RECQL5: variants seen among roughly 807,000 people sequenced by gnomAD.
RECQL5 encodes RecQ like helicase 5.
Under a neutral mutation model 103.4 loss-of-function variants are expected in RECQL5, and 88 were observed. The observed-to-expected ratio is 0.85, with a 90% confidence interval of 0.72 to 1.02. The LOEUF is 1.02. Ranked by LOEUF, RECQL5 falls within the 50% of genes least tolerant of loss-of-function variation. The pLI is 0.00. For missense variants in RECQL5, 1,232 were observed against 1,284.3 expected (o/e 0.96, Z 0.62); for synonymous variants, 552 against 507.9 (o/e 1.09, Z -1.17).
intron 10 of RECQL5, 54 bp downstream of exon 10, chr17:75,631,096 G>A (rs2059204399): frequency 6.2e-7 from 1 of 1,609,996 alleles, no homozygotes; most frequent in African/African-American, 1.3e-5. Context: ...GCTGAGAGGT[G>A]CGAGCAGGGG....
At position 75,658,399 on chromosome 17, in the gene RECQL5, C is replaced by G. The variant is rs767828047; in HGVS notation, c.1048G>C (p.Ala350Pro). 7.4e-6 allele frequency: 12 copies of G among 1,613,972 alleles called. No homozygotes were observed. Among genetic ancestry groups the G allele is most frequent in the Non-Finnish European group, 1.0e-5 (12 of 1,179,970 alleles). ...CAGGAAGGCTTCCCATCCCTGCCAG[C>G]CCGGCCAGACTCCTGGTAGTACCCA... Reference protein sequence around the residue: ...MAGYYQESGRAGRDGKPSWCR... With the variant: ...MAGYYQESGRPGRDGKPSWCR... Residue 350 changes from alanine to proline, a missense_variant, in exon 7 of 20, where the codon GCT becomes CCT. By Grantham distance (27) the Ala-to-Pro change is conservative (BLOSUM62 -1). Coordinates refer to ENST00000317905, the MANE Select transcript of RECQL5 (RefSeq NM_004259.7).
intron 8 of RECQL5, chr17:75,639,896 G>C (rs1344886470): frequency 9.5e-6 from 3 of 315,174 alleles, no homozygotes; most frequent in Non-Finnish European, 1.8e-5. Flanking sequence ...GAACAGCGAA[G>C]CCAGAAACCA....
intron 3 of RECQL5, 97 bp downstream of exon 3, chr17:75,664,949 GAAAAT>G: frequency 8.8e-7 from 1 of 1,141,980 alleles, no homozygotes; most frequent in Non-Finnish European, 1.2e-6. Flanking sequence ...AAAAAGAAAA[GAAAAT>G]AAGAGGCAAA....
At position 75,631,018 on chromosome 17, in the gene RECQL5, A is replaced by G; in HGVS notation, c.1549-8T>C. The stretch of plus-strand genomic sequence containing the variant: ...TATCTTGGGGTCTTTGCCCTGGAGG[A>G]CAACATGAAGGACCCATGAGGCGTC... On this transcript the variant is annotated splice_region_variant and splice_polypyrimidine_tract_variant and intron_variant, in intron 10 of 19. Transcript: ENST00000317905. 6.2e-7 allele frequency: 1 copy of G among 1,613,702 alleles called. No homozygotes were observed. Among genetic ancestry groups the G allele is most frequent in the Non-Finnish European group, 8.5e-7 (1 of 1,179,946 alleles).
At chr17:75,641,814 G>C (rs1888399597) in intron 8 of RECQL5, among the ~76,000 whole-genome samples, 1 of 152,152 alleles carries the variant, frequency 6.6e-6, no homozygotes, top group South Asian at 2.1e-4. Context: ...CCTGCCTCCT[G>C]ACCCTGTGGC....
In RECQL5 at chr17:75,631,581, G is replaced by A. The variant is rs201940860; in HGVS notation, c.1317C>T (p.Ala439=). ...KGCDHCQNPT[A]VRRRLEALER... ...CCAAGGCCTCCAGCCGCCTCCGCACGGCCGTGGGGTTCTGGCAGTGGTCGC... is the reference window on the plus strand; with the variant it reads ...CCAAGGCCTCCAGCCGCCTCCGCACAGCCGTGGGGTTCTGGCAGTGGTCGC... The change falls in exon 9 of 20, where the codon GCC becomes GCT. Residue 439 remains alanine (A), a synonymous_variant. Transcript: ENST00000317905. The A allele has an allele frequency of 1.6e-4, 262 of 1,613,014 alleles. 1 individual carries two copies. The African/African-American group carries it at 2.7e-3, about 17-fold the overall frequency.
At position 75,627,176 on chromosome 17, in the gene RECQL5, T is replaced by C. The variant is rs779096826; in HGVS notation, c.*246A>G. 12 of 621,888 alleles carry C rather than the reference T, an allele frequency of 1.9e-5. No homozygotes were observed. Among genetic ancestry groups the C allele is most frequent in the Non-Finnish European group, 3.3e-5 (11 of 333,986 alleles). 38.5% of individuals were successfully genotyped at this position (621,888 alleles called of 1,614,324 possible). On this transcript the variant is annotated 3_prime_UTR_variant, in exon 20 of 20. Coordinates refer to ENST00000317905, the MANE Select transcript of RECQL5 (RefSeq NM_004259.7). ...CCCTCCACCTTCTGTCCTCGACATGTGTCCCAGAAAACCCAGCCATGAGGA... is the reference window on the plus strand; with the variant it reads ...CCCTCCACCTTCTGTCCTCGACATGCGTCCCAGAAAACCCAGCCATGAGGA...
chr17:75,631,862 G>A (rs1390256250), intron 8 of RECQL5, among the ~76,000 whole-genome samples, 194 bp from the exon 9 acceptor site: 1 of 152,266 alleles, frequency 6.6e-6, no homozygotes, highest in Non-Finnish European at 1.5e-5. Flanking sequence ...AGGACGATAA[G>A]GTGAACCAAC....
At chr17:75,658,177 C>A in intron 7 of RECQL5, 121 bp downstream of exon 7, 1 of 1,029,998 alleles carries the variant, frequency 9.7e-7, no homozygotes, top group Non-Finnish European at 1.4e-6. Flanking sequence ...CTTTGCTATA[C>A]TTACAGGTTG....
chr17:75,654,122 C>T (rs1216763523), intron 7 of RECQL5, among the ~76,000 whole-genome samples: 1 of 152,206 alleles, frequency 6.6e-6, no homozygotes, highest in Non-Finnish European at 1.5e-5. Flanking sequence ...ACAGAGTTCA[C>T]AGCTAAACCG....
intron 8 of RECQL5, chr17:75,633,533 C>T (rs1848468770): frequency 4.7e-6 from 6 of 1,286,100 alleles, no homozygotes; most frequent in African/African-American, 1.5e-5. Context: ...AGTTCTCCCC[C>T]AAGACGCCTT....
At chr17:75,627,933 G>A (rs557905134) in intron 18 of RECQL5, among the ~76,000 whole-genome samples, 2 of 152,014 alleles carry the variant, frequency 1.3e-5, no homozygotes, top group South Asian at 4.2e-4. Flanking sequence ...GCAGGAGAAT[G>A]GCGTGAACCC....
intron 7 of RECQL5, among the ~76,000 whole-genome samples, chr17:75,656,588 T>C (rs1265472586): frequency 6.6e-6 from 1 of 152,158 alleles, no homozygotes; most frequent in Non-Finnish European, 1.5e-5. Context: ...ATTTCTCTTA[T>C]ATTCAACCAG....
rs374017473 is a variant in RECQL5 at position 75,640,214 on chromosome 17, G to A, written c.1230-8546C>T. 1,285 of 1,549,382 alleles carry A rather than the reference G, an allele frequency of 8.3e-4. 15 individuals are homozygous for A. The South Asian group carries it at 0.014, about 17-fold the overall frequency. ...AAGCCAGCGCGGCATGGCTGCCACC[G>A]ACTTCGTGCAGGAGATGCGCGCCGT... is the stretch of plus-strand genomic sequence containing the variant. On this transcript the variant is annotated intron_variant, in intron 8 of 19. Coordinates refer to ENST00000317905, the MANE Select transcript of RECQL5 (RefSeq NM_004259.7). This position sits in a 1 kb window ranked among gnomAD's most constrained non-coding sequence, Gnocchi z 4.6.
rs918031703 is a variant in RECQL5, at chr17:75,627,376, G to T, written c.*46C>A. On this transcript the variant is annotated 3_prime_UTR_variant, in exon 20 of 20. Transcript: ENST00000317905. ...GCAGGTGAGGCCCAGGATGACCCAT[G>T]CTAGAATCTGGGGGAGGACGCGGGC... is the stretch of plus-strand genomic sequence containing the variant. 2 of 1,425,834 alleles carry T rather than the reference G, an allele frequency of 1.4e-6. No individual in the cohort carries two copies. The highest frequency in any genetic ancestry group is 9.9e-7 in the Non-Finnish European group (1 of 1,010,614). 88.3% of individuals were successfully genotyped at this position (1,425,834 alleles called of 1,614,324 possible).
chr17:75,628,290 G>A lies in RECQL5; in HGVS notation c.2733C>T (p.Ser911=), dbSNP rs763003576. ...CCACAACATTTGCAGCCTCCTTCAA[G>A]GAGACGCCAGGAGCGGAGAGCTGGA... ...DPFQLSAPGV[S]LKEAANVVVK... Residue 911 remains serine, a synonymous_variant, in exon 18 of 20, where the codon TCC becomes TCT. Transcript: ENST00000317905. The A allele has an allele frequency of 2.5e-6, 4 of 1,614,200 alleles. No individual in the cohort carries two copies. Among genetic ancestry groups the A allele is most frequent in the Non-Finnish European group, 1.7e-6 (2 of 1,180,038 alleles).
chr17:75,658,590 A>G (rs2059658109), intron 6 of RECQL5, 130 bp from the exon 7 acceptor site: 3 of 798,148 alleles, frequency 3.8e-6, no homozygotes, highest in Non-Finnish European at 5.9e-6. Context: ...CAGAGTTAGA[A>G]TAGTTAAGAC....
chr17:75,629,312 T>C lies in RECQL5; in HGVS notation c.2111A>G (p.Asp704Gly), dbSNP rs759405070. 21 of 1,555,856 alleles carry C rather than the reference T, an allele frequency of 1.3e-5. No individual in the cohort carries two copies. The South Asian group carries it at 2.3e-4, about 17-fold the overall frequency. The part of the protein sequence containing the change: ...PSRPCGLLDE[D>G]GSEPLPGPRG... Reference sequence around the variant, plus strand: ...GGGCCCAGGGAGGGGCTCACTCCCATCCTCATCCAGGAGGCCACAGGGCCG... The same window carrying C: ...GGGCCCAGGGAGGGGCTCACTCCCACCCTCATCCAGGAGGCCACAGGGCCG... The change falls in exon 16 of 20, where the codon GAT becomes GGT. Residue 704 changes from aspartate (D) to glycine (G), a missense_variant. Transcript: ENST00000317905.
At chr17:75,647,165 G>GT (rs2059498351) in intron 8 of RECQL5, among the ~76,000 whole-genome samples, 1 of 152,234 alleles carries the variant, frequency 6.6e-6, no homozygotes, top group African/African-American at 2.4e-5. Context: ...CCTGGCTCCT[G>GT]TATCTAGAGC....
Sources: gnomAD v4.1 joint callset for allele counts (sites outside exome capture counted in the v4.1 genomes callset) on GRCh38, gnomAD v4.1.1 for gene constraint, Gnocchi (gnomAD v3.1) non-coding constraint, MANE v1.5 for transcripts, NCBI Gene and HGNC (gene_info 2026-07-23, HGNC 2026-07-21) for gene names.